UBE2E1: variants seen among roughly 807,000 people sequenced by gnomAD.
The protein encoded by UBE2E1 is ubiquitin-conjugating enzyme E2 E1.
A neutral mutation model predicts 21.4 loss-of-function variants in UBE2E1; 6 were observed. The observed-to-expected ratio is 0.28, with a 90% CI of 0.15 to 0.55. The LOEUF is 0.55. Among genes scored for constraint, UBE2E1 ranks in the 20% least tolerant of loss-of-function variants. The pLI, the probability that UBE2E1 is intolerant of heterozygous loss-of-function variation, is 0.93. For missense variants in UBE2E1, 142 were observed against 236.5 expected (o/e 0.60, Z 2.62); for synonymous variants, 87 against 82.7 (o/e 1.05, Z -0.28).
At chr3:23,834,386 T>C (rs1699933693) in intron 3 of UBE2E1, among the ~76,000 whole-genome samples, 1 of 152,214 alleles carries the variant, frequency 6.6e-6, no homozygotes, top group African/African-American at 2.4e-5. Context: ...TTTTCTAAAA[T>C]ATGTCTAATT....
chr3:23,819,595 T>C (rs1339525779), intron 3 of UBE2E1, among the ~76,000 whole-genome samples: 5 of 152,226 alleles, frequency 3.3e-5, no homozygotes, highest in Admixed American at 3.3e-4. Context: ...CCCTACAGTG[T>C]CCGAGAAAGG....
intron 2 of UBE2E1, chr3:23,811,108 G>T (rs924761438): frequency 1.8e-5 from 5 of 284,478 alleles, no homozygotes; most frequent in Non-Finnish European, 3.3e-5. Context: ...TGATCTCTCC[G>T]TGCTGGGGAG....
chr3:23,829,735 GT>G (rs1196122895), intron 3 of UBE2E1, among the ~76,000 whole-genome samples: 1 of 152,204 alleles, frequency 6.6e-6, no homozygotes, highest in East Asian at 1.9e-4. Flanking sequence ...TAGAAGAGCG[GT>G]TAGAAATGGG....
At chr3:23,829,638 A>G (rs748666427) in intron 3 of UBE2E1, among the ~76,000 whole-genome samples, 24 of 152,134 alleles carry the variant, frequency 1.6e-4, no homozygotes, top group Non-Finnish European at 2.8e-4. Context: ...GGGAAAGTTT[A>G]CAGATTTAGG....
intron 3 of UBE2E1, among the ~76,000 whole-genome samples, chr3:23,852,897 G>A (rs1298893657): frequency 2.0e-5 from 3 of 151,820 alleles, no homozygotes; most frequent in African/African-American, 7.3e-5. Context: ...GAGCCACCAT[G>A]CCCAGCCTTA....
At position 23,841,028 on chromosome 3, in the gene UBE2E1, A is replaced by G. The variant is rs72627014; in HGVS notation, c.203+29518A>G. Among the ~76,000 whole-genome samples the G allele has an allele frequency of 3.5e-3, 540 of 152,332 alleles. 10 individuals carry two copies. In the East Asian group the frequency reaches 0.044, roughly 12 times the overall value. ...TGGTTAGAAGCTGAAGTGACTTTAC[A>G]GCCCATGATACTTTTTGTAAATAAA... On this transcript the variant is annotated intron_variant, in intron 3 of 5. Coordinates refer to ENST00000306627, the MANE Select transcript of UBE2E1 (RefSeq NM_003341.5).
At position 23,860,185 on chromosome 3, in the gene UBE2E1, G is replaced by C. The variant is rs76741175; in HGVS notation, c.204-27382G>C. 2.2e-4 allele frequency among the ~76,000 whole-genome samples: 33 copies of C among 152,314 alleles called. No individual in the cohort carries two copies. The East Asian group carries it at 5.4e-3, about 25-fold the overall frequency. Reference sequence around the variant, plus strand: ...ACAGCTGTCTGTCCTTGGTTTCTGGGTGCTTTCACCTTGGCTAGATGAAGA... The same window carrying C: ...ACAGCTGTCTGTCCTTGGTTTCTGGCTGCTTTCACCTTGGCTAGATGAAGA... On this transcript the variant is annotated intron_variant, in intron 3 of 5. Coordinates refer to ENST00000306627, the MANE Select transcript of UBE2E1 (RefSeq NM_003341.5).
chr3:23,830,855 T>G (rs752225886), intron 3 of UBE2E1, among the ~76,000 whole-genome samples: 6 of 152,240 alleles, frequency 3.9e-5, no homozygotes, highest in Non-Finnish European at 8.8e-5. Flanking sequence ...TGTTGCGGTC[T>G]TAACTGTGGG....
At position 23,876,921 on chromosome 3, in the gene UBE2E1, G is replaced by A. The variant is rs1265457153; in HGVS notation, c.204-10646G>A. Reference sequence around the variant, plus strand: ...TAGCCAGGTGTGGTGATGCACGCCTGTAATCCTAGCAACTCAGGAGGCTGA... The same window carrying A: ...TAGCCAGGTGTGGTGATGCACGCCTATAATCCTAGCAACTCAGGAGGCTGA... On this transcript the variant is annotated intron_variant, in intron 3 of 5. Transcript: ENST00000306627. This position sits in a 1 kb window ranked among gnomAD's most constrained non-coding sequence, Gnocchi z 4.3. Among the ~76,000 whole-genome samples, 1 of 152,212 alleles carries A rather than the reference G, an allele frequency of 6.6e-6. No homozygotes were observed. Among genetic ancestry groups the A allele is most frequent in the Admixed American group, 6.5e-5 (1 of 15,278 alleles).
At position 23,810,810 on chromosome 3, in the gene UBE2E1, G is replaced by T. The variant is rs995896268; in HGVS notation, c.153-650G>T. On this transcript the variant is annotated intron_variant, in intron 2 of 5. Coordinates refer to ENST00000306627, the MANE Select transcript of UBE2E1 (RefSeq NM_003341.5). The surrounding 1 kb of genome is among the most constrained non-coding windows in gnomAD (Gnocchi z 5.8). Reference sequence around the variant, plus strand: ...GAGCCGTCGGGGGCGCGCGCGGGGTGGGGGCGGCGTGGCCGGGCGGTGGCA... The same window carrying T: ...GAGCCGTCGGGGGCGCGCGCGGGGTTGGGGCGGCGTGGCCGGGCGGTGGCA... 1.0e-5 allele frequency: 2 copies of T among 199,864 alleles called. No homozygotes were observed. The highest frequency in any genetic ancestry group is 1.0e-5 in the Non-Finnish European group (1 of 99,972). 12.4% of individuals were successfully genotyped at this position (199,864 alleles called of 1,614,324 possible).
At position 23,806,597 on chromosome 3, in the gene UBE2E1, G is replaced by A. The variant is rs1466605215; in HGVS notation, c.-34+509G>A. 6.6e-6 allele frequency among the ~76,000 whole-genome samples: 1 copy of A among 150,482 alleles called. No homozygotes were observed. The highest frequency in any genetic ancestry group is 1.5e-5 in the Non-Finnish European group (1 of 67,454). ...GACCCCCGCCCGGCCGCATAGCTGT[G>A]AGCAGGGCGGCCAGAGGCAGGCAGG... On this transcript the variant is annotated intron_variant, in intron 1 of 5. Transcript: ENST00000306627. The surrounding 1 kb of genome is among the most constrained non-coding windows in gnomAD (Gnocchi z 6.5).
intron 3 of UBE2E1, among the ~76,000 whole-genome samples, chr3:23,835,311 T>C (rs961430489): frequency 1.3e-5 from 2 of 151,064 alleles, no homozygotes. Flanking sequence ...CTACAAAAAA[T>C]TTAAAAATTA....
At chr3:23,811,107 C>G (rs1212609269) in intron 2 of UBE2E1, 1 of 269,834 alleles carries the variant, frequency 3.7e-6, no homozygotes, top group African/African-American at 2.2e-5. Flanking sequence ...GTGATCTCTC[C>G]GTGCTGGGGA....
In UBE2E1 at chr3:23,887,415, C is replaced by A; in HGVS notation, c.204-152C>A. 1 of 1,056,468 alleles carries A rather than the reference C, an allele frequency of 9.5e-7. No homozygotes were observed. The highest frequency in any genetic ancestry group is 1.3e-6 in the Non-Finnish European group (1 of 775,136). The allele number at this position is 1,056,468 out of a possible 1,614,324, so 65.4% of individuals were successfully genotyped here. A position where few individuals can be genotyped will look rare whatever the true frequency, so the allele number is the denominator to read the frequency against. On this transcript the variant is annotated intron_variant, in intron 3 of 5. Transcript: ENST00000306627. The surrounding 1 kb of genome is among the most constrained non-coding windows in gnomAD (Gnocchi z 4.4). The stretch of plus-strand genomic sequence containing the variant: ...TTGACCAATGGCTATGGGTTTGTTG[C>A]AGTTCTGCATCCGTTTCTGTACTTG...
In UBE2E1 at chr3:23,886,209, T is replaced by TA. The variant is rs1370186428; in HGVS notation, c.204-1352dup. 5.9e-5 allele frequency among the ~76,000 whole-genome samples: 9 copies of TA among 152,252 alleles called. No homozygotes were observed. The South Asian group carries it at 1.7e-3, about 28-fold the overall frequency. The stretch of plus-strand genomic sequence containing the variant: ...GCAGATCAAGACTCTGTTTCAAAAA[T>TA]AAAAAATAAAACAAGTTTTTAATAG... On this transcript the variant is annotated intron_variant, in intron 3 of 5. Coordinates refer to ENST00000306627, the MANE Select transcript of UBE2E1 (RefSeq NM_003341.5).
chr3:23,884,833 AT>A (rs1344892025), intron 3 of UBE2E1, among the ~76,000 whole-genome samples: 4 of 152,178 alleles, frequency 2.6e-5, no homozygotes, highest in Non-Finnish European at 2.9e-5. Context: ...CTGTAAAAAG[AT>A]TTTAGAGTAG....
At chr3:23,883,420 A>G (rs1030204819) in intron 3 of UBE2E1, among the ~76,000 whole-genome samples, 1 of 152,070 alleles carries the variant, frequency 6.6e-6, no homozygotes, top group Non-Finnish European at 1.5e-5. Flanking sequence ...AGTTGTTAAT[A>G]TTGTCCTCCA....
chr3:23,861,239 G>A (rs1700547904), intron 3 of UBE2E1, among the ~76,000 whole-genome samples: 1 of 152,204 alleles, frequency 6.6e-6, no homozygotes, highest in African/African-American at 2.4e-5. Context: ...CATTGCCAGT[G>A]CTCTTGTCCA....
At chr3:23,864,281 G>GT (rs1360776453) in intron 3 of UBE2E1, among the ~76,000 whole-genome samples, 4 of 152,042 alleles carry the variant, frequency 2.6e-5, no homozygotes, top group East Asian at 3.9e-4. Flanking sequence ...GAAACTTGAT[G>GT]TGCCACCTTG....
Sources: gnomAD v4.1 joint callset for allele counts (sites outside exome capture counted in the v4.1 genomes callset) on GRCh38, gnomAD v4.1.1 for gene constraint, Gnocchi (gnomAD v3.1) non-coding constraint, MANE v1.5 for transcripts, NCBI Gene and HGNC (gene_info 2026-07-23, HGNC 2026-07-21) for gene names.